The following GRIK2 variants were observed in gnomAD, a reference collection of about 807,000 sequenced individuals.
GRIK2 encodes glutamate ionotropic receptor kainate type subunit 2, also known as glutamate receptor ionotropic, kainate 2.
In GRIK2, 32 loss-of-function variants were observed where a neutral mutation model predicts 100.3. The ratio of observed to expected loss-of-function variants is 0.32; its 90% confidence interval spans 0.24 to 0.43. The LOEUF (loss-of-function observed/expected upper bound fraction) is 0.43, where lower values mean the gene tolerates loss of function less well. Among genes scored for constraint, GRIK2 ranks in the 20% least tolerant of loss-of-function variants. GRIK2 has a pLI of 1.00. For synonymous variants in GRIK2, 417 were observed against 389.4 expected, an observed-to-expected ratio of 1.07 and a Z score of -0.83; for missense variants, 843 against 1,114.9, an observed-to-expected ratio of 0.76 and a Z score of 3.47.
At chr6:101,797,384 C>T (rs1780374347) in intron 7 of GRIK2, among the ~76,000 whole-genome samples, 1 of 151,668 alleles carries the variant, frequency 6.6e-6, no homozygotes, top group African/African-American at 2.4e-5. Flanking sequence ...GGGTGGGCTT[C>T]CCCACTTGTT....
At chr6:101,735,365 G>A (rs1775565070) in intron 7 of GRIK2, among the ~76,000 whole-genome samples, 1 of 152,122 alleles carries the variant, frequency 6.6e-6, no homozygotes, top group Admixed American at 6.5e-5. Context: ...AAATAACAGG[G>A]TTTAGAAAAC....
chr6:101,920,282 G>T (rs971294699), intron 12 of GRIK2, among the ~76,000 whole-genome samples: 1 of 151,846 alleles, frequency 6.6e-6, no homozygotes. Flanking sequence ...ATCCCCAATC[G>T]AGAGAACAGT....
chr6:101,979,912 C>G (rs571425069), intron 14 of GRIK2, among the ~76,000 whole-genome samples: 10 of 151,928 alleles, frequency 6.6e-5, no homozygotes, highest in African/African-American at 2.4e-4. Context: ...AGAGACAGAG[C>G]CAGTTATTTC....
At chr6:101,917,622 T>A (rs1201935563) in intron 12 of GRIK2, among the ~76,000 whole-genome samples, 1 of 151,596 alleles carries the variant, frequency 6.6e-6, no homozygotes, top group Non-Finnish European at 1.5e-5. Context: ...TAACTTCTCT[T>A]ATTAAGAAGG....
intron 2 of GRIK2, among the ~76,000 whole-genome samples, chr6:101,434,596 A>G (rs983339594): frequency 1.3e-5 from 2 of 152,096 alleles, no homozygotes; most frequent in African/African-American, 4.8e-5. Context: ...CGAGTTTAAC[A>G]GTTTGAATAT....
chr6:102,051,896 C>T (rs1432811537), intron 15 of GRIK2, among the ~76,000 whole-genome samples: 4 of 152,146 alleles, frequency 2.6e-5, no homozygotes, highest in African/African-American at 7.2e-5. Flanking sequence ...GGTGACCTTA[C>T]AGTGTGACTC....
intron 10 of GRIK2, among the ~76,000 whole-genome samples, chr6:101,833,459 TCCTG>T (rs1448852703): frequency 6.6e-6 from 1 of 152,148 alleles, no homozygotes; most frequent in Non-Finnish European, 1.5e-5. Flanking sequence ...GGTCTTGAAT[TCCTG>T]ACCTCGTGAT....
At chr6:101,762,530 C>T (rs1264980196) in intron 7 of GRIK2, among the ~76,000 whole-genome samples, 2 of 151,946 alleles carry the variant, frequency 1.3e-5, no homozygotes, top group African/African-American at 4.8e-5. Flanking sequence ...ACCATCCAGC[C>T]CCAATTTCTT....
intron 3 of GRIK2, among the ~76,000 whole-genome samples, chr6:101,625,388 A>T (rs912264256): frequency 1.4e-4 from 20 of 146,344 alleles, no homozygotes; most frequent in Admixed American, 3.4e-4. Flanking sequence ...AATAAATAAT[A>T]AATAAATAAA....
At chr6:101,769,503 T>C (rs572374551) in intron 7 of GRIK2, among the ~76,000 whole-genome samples, 30 of 152,298 alleles carry the variant, frequency 2.0e-4, no homozygotes, top group Non-Finnish European at 2.5e-4. Context: ...CTGAGCTTCA[T>C]TGGACATACT....
chr6:102,066,393 A>T (rs995229866), intron 16 of GRIK2, among the ~76,000 whole-genome samples: 7 of 151,610 alleles, frequency 4.6e-5, no homozygotes, highest in Non-Finnish European at 3.0e-5. Flanking sequence ...CAATTCAGGG[A>T]GAGAGATACA....
chr6:101,602,913 C>G (rs906765008), intron 2 of GRIK2, among the ~76,000 whole-genome samples: 1 of 151,648 alleles, frequency 6.6e-6, no homozygotes, highest in Admixed American at 6.6e-5. Context: ...TCTAATCAAA[C>G]AGAATTGTTT....
intron 16 of GRIK2, among the ~76,000 whole-genome samples, chr6:102,063,148 A>G (rs1771838449): frequency 6.6e-6 from 1 of 150,750 alleles, no homozygotes; most frequent in Non-Finnish European, 1.5e-5. Context: ...CTGAGGTACA[A>G]TAGTATCTTA....
Position 102,040,566 on chromosome 6 carries a change from C to CTTTAT in GRIK2, c.2311+5004_2311+5008dup, listed in dbSNP as rs1474164587. ...TAATGTTAAATGCTTAAGATTCACT[C>CTTTAT]TTTATTTTTAAATTTCTCATTATTT... is the stretch of plus-strand genomic sequence containing the variant. On this transcript the variant is annotated intron_variant, in intron 15 of 16. Transcript: ENST00000369134. Among the ~76,000 whole-genome samples, 3 of 151,604 alleles carry CTTTAT rather than the reference C, an allele frequency of 2.0e-5. No individual in the cohort carries two copies. The East Asian group carries it at 5.8e-4, about 30-fold the overall frequency.
chr6:101,731,093 A>C lies in GRIK2; in HGVS notation c.951+44740A>C, dbSNP rs1049193940. Reference sequence around the variant, plus strand: ...AGTACTTCTATGCAGTTGCAGTCCAAGTAGCTAAGTCTTAGAAATTATCTG... The same window carrying C: ...AGTACTTCTATGCAGTTGCAGTCCACGTAGCTAAGTCTTAGAAATTATCTG... On this transcript the variant is annotated intron_variant, in intron 7 of 16. Coordinates refer to ENST00000369134, the MANE Select transcript of GRIK2 (RefSeq NM_021956.5). 8.5e-5 allele frequency among the ~76,000 whole-genome samples: 13 copies of C among 152,124 alleles called. No individual in the cohort carries two copies. The East Asian group carries it at 1.9e-3, about 23-fold the overall frequency.
intron 2 of GRIK2, among the ~76,000 whole-genome samples, chr6:101,500,816 C>T (rs1773709898): frequency 6.6e-6 from 1 of 152,034 alleles, no homozygotes; most frequent in African/African-American, 2.4e-5. Context: ...ATGACCTGAT[C>T]AGATTGAATA....
intron 2 of GRIK2, among the ~76,000 whole-genome samples, chr6:101,516,928 A>T (rs924271004): frequency 3.3e-5 from 5 of 152,198 alleles, no homozygotes; most frequent in African/African-American, 1.2e-4. Flanking sequence ...TTTGACACTG[A>T]TAATTAACAG....
chr6:101,889,795 C>T lies in GRIK2; in HGVS notation c.1680C>T (p.Ser560=), dbSNP rs1052518850. 1 of 1,613,390 alleles carries T rather than the reference C, an allele frequency of 6.2e-7. No homozygotes were observed. Among genetic ancestry groups the T allele is most frequent in the Non-Finnish European group, 8.5e-7 (1 of 1,179,646 alleles). The change falls in exon 12 of 17, where the codon TCC becomes TCT. Residue 560 remains serine (S), a synonymous_variant. Transcript: ENST00000369134. ...PGVFSFLNPL[S]PDIWMYILLA... ...TCTTCTCCTTCCTGAATCCTCTCTC[C>T]CCTGATATCTGGATGTATATTCTGC... is the stretch of plus-strand genomic sequence containing the variant.
At position 101,905,670 on chromosome 6, in the gene GRIK2, TTAC is replaced by T. The variant is rs570974611; in HGVS notation, c.1748+15814_1748+15816del. ...TGATCTTTTCACCACCTAAAATTTATTACTACTACATCTATCAATCATCTACCT... is the reference window on the plus strand; with the variant it reads ...TGATCTTTTCACCACCTAAAATTTATTACTACATCTATCAATCATCTACCT... On this transcript the variant is annotated intron_variant, in intron 12 of 16. Transcript: ENST00000369134. 2.9e-3 allele frequency among the ~76,000 whole-genome samples: 435 copies of T among 151,544 alleles called. 6 individuals carry two copies. The highest frequency in any genetic ancestry group is 9.4e-3 in the African/African-American group (388 of 41,492).
Sources: allele counts gnomAD v4.1 joint callset (sites outside exome capture counted in the v4.1 genomes callset), GRCh38; gene constraint gnomAD v4.1.1; transcripts MANE v1.5; gene names NCBI Gene and HGNC (gene_info 2026-07-23, HGNC 2026-07-21).